Variants in EFNA5 observed in about 807,000 individuals in gnomAD.
EFNA5 encodes ephrin-A5.
A neutral mutation model predicts 22.9 loss-of-function variants in EFNA5; 5 were observed. That is an observed-to-expected ratio of 0.22 (90% CI 0.11 to 0.46). The LOEUF (loss-of-function observed/expected upper bound fraction) is 0.46. EFNA5 is among the 20% of genes least tolerant of loss of function. The pLI, the probability that EFNA5 is intolerant of heterozygous loss-of-function variation, is 0.99. For missense variants in EFNA5, 237 were observed against 293.3 expected, an observed-to-expected ratio of 0.81 and a Z score of 1.40; for synonymous variants, 113 against 112.2, an observed-to-expected ratio of 1.01 and a Z score of -0.04.
intron 1 of EFNA5, among the ~76,000 whole-genome samples, chr5:107,589,823 G>A (rs1749279790): frequency 1.3e-5 from 2 of 152,178 alleles, no homozygotes; most frequent in African/African-American, 4.8e-5. Context: ...TAAAGCATCT[G>A]TTCCACTGAG....
intron 1 of EFNA5, among the ~76,000 whole-genome samples, chr5:107,499,617 G>C (rs1462706635): frequency 6.6e-6 from 1 of 152,212 alleles, no homozygotes; most frequent in Non-Finnish European, 1.5e-5. Context: ...AGATGGACTA[G>C]CATTGGCCTA....
At chr5:107,577,324 G>A (rs1418984037) in intron 1 of EFNA5, among the ~76,000 whole-genome samples, 3 of 152,100 alleles carry the variant, frequency 2.0e-5, no homozygotes, top group Non-Finnish European at 4.4e-5. Flanking sequence ...CAGTTTCTCG[G>A]TTGGGCTGTT....
chr5:107,551,868 A>G (rs1260134345), intron 1 of EFNA5, among the ~76,000 whole-genome samples: 2 of 152,164 alleles, frequency 1.3e-5, no homozygotes, highest in Non-Finnish European at 2.9e-5. Flanking sequence ...AATTCTTTTA[A>G]GTCTAAGAAG....
At chr5:107,546,376 A>G (rs1020903622) in intron 1 of EFNA5, among the ~76,000 whole-genome samples, 3 of 152,306 alleles carry the variant, frequency 2.0e-5, no homozygotes, top group Non-Finnish European at 2.9e-5. Context: ...AACAGCTATG[A>G]GCGGAAATGT....
chr5:107,665,243 G>A (rs1751042028), intron 1 of EFNA5, among the ~76,000 whole-genome samples: 1 of 152,182 alleles, frequency 6.6e-6, no homozygotes, highest in Non-Finnish European at 1.5e-5. Flanking sequence ...ATAGCAACAG[G>A]GGAGAAAAGG....
At chr5:107,461,650 T>C (rs1346125531) in intron 1 of EFNA5, among the ~76,000 whole-genome samples, 1 of 152,154 alleles carries the variant, frequency 6.6e-6, no homozygotes, top group East Asian at 1.9e-4. Flanking sequence ...TCAAAAGTGT[T>C]AATTTTATGT....
chr5:107,457,150 A>C (rs1016395897), intron 1 of EFNA5, among the ~76,000 whole-genome samples: 1 of 152,166 alleles, frequency 6.6e-6, no homozygotes, highest in Non-Finnish European at 1.5e-5. Flanking sequence ...TTTTTAACAG[A>C]TGTAAAGTGT....
intron 1 of EFNA5, among the ~76,000 whole-genome samples, chr5:107,490,895 G>C (rs1746786399): frequency 6.6e-6 from 1 of 152,198 alleles, no homozygotes; most frequent in Admixed American, 6.5e-5. Flanking sequence ...GTATCTTGCA[G>C]AGATCCTGCT....
chr5:107,590,962 C>T (rs931787517), intron 1 of EFNA5, among the ~76,000 whole-genome samples: 2 of 152,116 alleles, frequency 1.3e-5, no homozygotes, highest in Non-Finnish European at 2.9e-5. Context: ...GTGGGTGGGT[C>T]AAGAGGGGAG....
At chr5:107,576,187 C>T (rs1355526922) in intron 1 of EFNA5, among the ~76,000 whole-genome samples, 1 of 152,188 alleles carries the variant, frequency 6.6e-6, no homozygotes, top group Non-Finnish European at 1.5e-5. Context: ...AGTGTTCTCA[C>T]AGAAACAACC....
chr5:107,618,770 T>C (rs1199283441), intron 1 of EFNA5, among the ~76,000 whole-genome samples: 2 of 152,220 alleles, frequency 1.3e-5, no homozygotes, highest in South Asian at 4.1e-4. Context: ...ATTAATGGAA[T>C]ACACAACTTG....
At chr5:107,514,751 T>C (rs1014650687) in intron 1 of EFNA5, among the ~76,000 whole-genome samples, 1 of 152,136 alleles carries the variant, frequency 6.6e-6, no homozygotes, top group Non-Finnish European at 1.5e-5. Context: ...AGCCCAAGTC[T>C]CTACAAGGAT....
chr5:107,452,963 T>C (rs1294611358), intron 1 of EFNA5, among the ~76,000 whole-genome samples: 1 of 152,190 alleles, frequency 6.6e-6, no homozygotes, highest in Non-Finnish European at 1.5e-5. Flanking sequence ...GCCTGATTTC[T>C]TTCTTTCTTC....
intron 1 of EFNA5, among the ~76,000 whole-genome samples, chr5:107,594,574 A>C (rs1270155247): frequency 6.6e-6 from 1 of 152,214 alleles, no homozygotes; most frequent in Non-Finnish European, 1.5e-5. Flanking sequence ...TTTTTAAAGC[A>C]AAACCCAAGT....
At chr5:107,502,115 C>T (rs371698920) in intron 1 of EFNA5, among the ~76,000 whole-genome samples, 2 of 152,226 alleles carry the variant, frequency 1.3e-5, no homozygotes, top group African/African-American at 2.4e-5. Context: ...CTTCACCCAA[C>T]GTAGGGCAGA....
At position 107,658,710 on chromosome 5, in the gene EFNA5, A is replaced by C. The variant is rs190649433; in HGVS notation, c.125+11779T>G. Among the ~76,000 whole-genome samples the C allele has an allele frequency of 2.6e-3, 397 of 152,272 alleles. 3 individuals are homozygous for C. Among genetic ancestry groups the C allele is most frequent in the African/African-American group, 9.3e-3 (387 of 41,562 alleles). ...AACCTTGCTGTGCAAACCACGGTTC[A>C]TGGGCCAGCAGCATCAATGTCATCT... On this transcript the variant is annotated intron_variant, in intron 1 of 4. Coordinates refer to ENST00000333274, the MANE Select transcript of EFNA5 (RefSeq NM_001962.3).
intron 2 of EFNA5, among the ~76,000 whole-genome samples, chr5:107,391,214 T>C (rs527807142): frequency 6.7e-4 from 102 of 152,330 alleles, no homozygotes; most frequent in African/African-American, 2.4e-3. Flanking sequence ...TATTAGGTGC[T>C]GTGCATGCGA....
At chr5:107,583,645 A>G (rs1037936056) in intron 1 of EFNA5, among the ~76,000 whole-genome samples, 7 of 152,324 alleles carry the variant, frequency 4.6e-5, no homozygotes, top group Non-Finnish European at 1.0e-4. Context: ...GACAGAGTGG[A>G]CACAAGGTAG....
intron 1 of EFNA5, among the ~76,000 whole-genome samples, chr5:107,518,855 A>G (rs967692110): frequency 6.6e-6 from 1 of 152,208 alleles, no homozygotes; most frequent in African/African-American, 2.4e-5. Context: ...TTGAATTCCT[A>G]GAAACTCAAT....
Sources: gnomAD v4.1 joint callset for allele counts (sites outside exome capture counted in the v4.1 genomes callset) on GRCh38, gnomAD v4.1.1 for gene constraint, MANE v1.5 for transcripts, NCBI Gene and HGNC (gene_info 2026-07-23, HGNC 2026-07-21) for gene names.